The following IQCM variants were observed in gnomAD, a reference collection of about 807,000 sequenced individuals.
IQCM encodes the protein IQ motif containing M.
Under a neutral mutation model 57.6 loss-of-function variants are expected in IQCM, and 45 were observed. The ratio of observed to expected loss-of-function variants is 0.78; its 90% CI spans 0.62 to 1.00. The LOEUF is 1.00. IQCM is among the 50% of genes least tolerant of loss of function. The pLI is 0.00. For missense variants in IQCM, 468 were observed against 511.6 expected, an observed-to-expected ratio of 0.91 and a Z score of 0.82; for synonymous variants, 148 against 158.9, an observed-to-expected ratio of 0.93 and a Z score of 0.51.
intron 8 of IQCM, among the ~76,000 whole-genome samples, chr4:149,597,362 A>G (rs1156297304): frequency 1.3e-5 from 2 of 152,048 alleles, no homozygotes; most frequent in African/African-American, 4.8e-5. Context: ...AAAGATTTAT[A>G]AAGTTTTTTC....
intron 7 of IQCM, among the ~76,000 whole-genome samples, chr4:149,678,570 T>G (rs1042422739): frequency 1.3e-5 from 2 of 151,696 alleles, no homozygotes; most frequent in Admixed American, 1.3e-4. Flanking sequence ...CACTAATGTG[T>G]TTTTAAAAAA....
chr4:149,733,404 A>G lies in IQCM; in HGVS notation c.225T>C (p.Asp75=). 1 of 1,231,864 alleles carries G rather than the reference A, an allele frequency of 8.1e-7. No individual in the cohort carries two copies. Among genetic ancestry groups the G allele is most frequent in the Non-Finnish European group, 1.0e-6 (1 of 987,772 alleles). The allele number at this position is 1,231,864 out of a possible 1,614,324, so 76.3% of individuals were successfully genotyped here. A position where few individuals can be genotyped will look rare whatever the true frequency, so the allele number is the denominator to read the frequency against. The change falls in exon 5 of 14, where the codon GAT becomes GAC. Residue 75 remains aspartate, a synonymous_variant. Transcript: ENST00000636793. ...PLEIDKKVTR[D]VVQEHRAALR... ...GTGCGGCCCGATGTTCTTGCACCACATCACGTGTTACCTTTTTGTCAATCT... is the reference window on the plus strand; with the variant it reads ...GTGCGGCCCGATGTTCTTGCACCACGTCACGTGTTACCTTTTTGTCAATCT...
chr4:149,618,009 T>A lies in IQCM; in HGVS notation c.681+3120A>T, dbSNP rs150082735. Among the ~76,000 whole-genome samples, 19 of 152,280 alleles carry A rather than the reference T, an allele frequency of 1.2e-4. No homozygotes were observed. The East Asian group carries it at 1.9e-3, about 15-fold the overall frequency. On this transcript the variant is annotated intron_variant, in intron 8 of 13. Transcript: ENST00000636793. ...TTCACAGGATTAGAACAAATAATCC[T>A]AAAATTTATATGGAAGCAAAAAAGA...
At chr4:149,489,076 A>C (rs1741821676) in intron 12 of IQCM, among the ~76,000 whole-genome samples, 1 of 152,120 alleles carries the variant, frequency 6.6e-6, no homozygotes, top group African/African-American at 2.4e-5. Flanking sequence ...ATCTAATTGG[A>C]TGTTCTATTT....
At chr4:149,673,486 A>C (rs1761487238) in intron 7 of IQCM, among the ~76,000 whole-genome samples, 2 of 152,176 alleles carry the variant, frequency 1.3e-5, no homozygotes, top group South Asian at 4.1e-4. Flanking sequence ...GTCTCTGATA[A>C]AACAGACTTT....
At chr4:149,751,621 A>G (rs903079514) in intron 2 of IQCM, among the ~76,000 whole-genome samples, 5 of 152,226 alleles carry the variant, frequency 3.3e-5, no homozygotes, top group African/African-American at 4.8e-5. Flanking sequence ...TCACAGGGCT[A>G]CTGCAAGACC....
At chr4:149,458,551 C>T (rs920672039) in intron 12 of IQCM, among the ~76,000 whole-genome samples, 2 of 151,584 alleles carry the variant, frequency 1.3e-5, no homozygotes, top group Admixed American at 6.6e-5. Context: ...AATTAAATAA[C>T]CCTGCTGTGT....
At chr4:149,415,960 G>A (rs1054137109) in intron 13 of IQCM, among the ~76,000 whole-genome samples, 9 of 152,102 alleles carry the variant, frequency 5.9e-5, no homozygotes, top group Non-Finnish European at 1.0e-4. Flanking sequence ...TAAATGATGA[G>A]TTAATGGGTG....
chr4:149,623,351 T>A (rs903990904), intron 7 of IQCM, among the ~76,000 whole-genome samples: 1 of 152,200 alleles, frequency 6.6e-6, no homozygotes, highest in Non-Finnish European at 1.5e-5. Context: ...AAATGTTTTA[T>A]CTTGCTTACT....
At chr4:149,427,735 T>G (rs1933739932) in intron 13 of IQCM, among the ~76,000 whole-genome samples, 1 of 151,916 alleles carries the variant, frequency 6.6e-6, no homozygotes, top group South Asian at 2.1e-4. Flanking sequence ...ACATAAAACA[T>G]TTCTCCCATC....
At chr4:149,588,772 T>G (rs1451600835) in intron 8 of IQCM, among the ~76,000 whole-genome samples, 2 of 151,908 alleles carry the variant, frequency 1.3e-5, no homozygotes, top group African/African-American at 4.8e-5. Context: ...AAATTTATGT[T>G]GTTTAGTCTG....
chr4:149,362,470 C>T (rs1729560960), intron 13 of IQCM, among the ~76,000 whole-genome samples: 1 of 152,026 alleles, frequency 6.6e-6, no homozygotes, highest in African/African-American at 2.4e-5. Flanking sequence ...GTAATTGAAT[C>T]ATAGGGGCCA....
chr4:149,475,647 A>G (rs72955442), intron 12 of IQCM, among the ~76,000 whole-genome samples: 2,107 of 152,262 alleles, frequency 0.014, 56 homozygotes, highest in African/African-American at 0.047. Flanking sequence ...GGGAAGAAGA[A>G]GCAGAATCAG....
chr4:149,729,845 T>A (rs1766299705), intron 5 of IQCM, among the ~76,000 whole-genome samples: 1 of 152,188 alleles, frequency 6.6e-6, no homozygotes, highest in Admixed American at 6.6e-5. Context: ...TTTGCTGCAA[T>A]GTTAAGTATT....
chr4:149,663,791 TA>T, intron 7 of IQCM, among the ~76,000 whole-genome samples: 1 of 152,270 alleles, frequency 6.6e-6, no homozygotes, highest in East Asian at 1.9e-4. Flanking sequence ...AGTTTGATTA[TA>T]AAGTACATCA....
At position 149,546,887 on chromosome 4, in the gene IQCM, T is replaced by C. The variant is rs573180580; in HGVS notation, c.1228+1568A>G. Among the ~76,000 whole-genome samples the C allele has an allele frequency of 4.7e-4, 71 of 152,260 alleles. No homozygotes were observed. In the South Asian group the frequency reaches 0.015, roughly 32 times the overall value. On this transcript the variant is annotated intron_variant, in intron 12 of 13. Coordinates refer to ENST00000636793, the MANE Select transcript of IQCM (RefSeq NM_001363507.2). ...TGCTTTTGGTGTTTTAGACATGAAGTCCTTGCCCATGCCTATGTCCTGAAT... is the reference window on the plus strand; with the variant it reads ...TGCTTTTGGTGTTTTAGACATGAAGCCCTTGCCCATGCCTATGTCCTGAAT...
At chr4:149,559,471 G>A (rs1749913753) in intron 10 of IQCM, among the ~76,000 whole-genome samples, 1 of 151,972 alleles carries the variant, frequency 6.6e-6, no homozygotes, top group South Asian at 2.1e-4. Context: ...CAGCCTCCCA[G>A]TATACCTGAC....
intron 13 of IQCM, among the ~76,000 whole-genome samples, chr4:149,404,361 G>T (rs1245691995): frequency 3.3e-5 from 5 of 151,980 alleles, no homozygotes; most frequent in Non-Finnish European, 1.5e-5. Flanking sequence ...TTTGACCTTT[G>T]ACTTCTATTT....
chr4:149,790,196 G>T, intron 2 of IQCM: 1 of 391,232 alleles, frequency 2.6e-6, no homozygotes, highest in East Asian at 4.5e-5. Flanking sequence ...AGAACATGAA[G>T]AATATTGAAC....
Sources: gnomAD v4.1 joint callset for allele counts (sites outside exome capture counted in the v4.1 genomes callset) on GRCh38, gnomAD v4.1.1 for gene constraint, MANE v1.5 for transcripts, NCBI Gene and HGNC (gene_info 2026-07-23, HGNC 2026-07-21) for gene names.